The following PIEZO2 variants were observed in gnomAD, a reference collection of about 807,000 sequenced individuals.
PIEZO2 encodes piezo type mechanosensitive ion channel component 2.
A neutral mutation model predicts 337.3 loss-of-function variants in PIEZO2; 172 were observed. The ratio of observed to expected loss-of-function variants is 0.51; its 90% CI spans 0.45 to 0.58. PIEZO2 has a LOEUF of 0.58. Ranked by LOEUF, PIEZO2 falls within the 20% of genes least tolerant of loss-of-function variation. The pLI is 0.00. For synonymous variants in PIEZO2, 1,251 were observed against 1,228.5 expected (o/e 1.02, Z -0.38); for missense variants, 3,028 against 3,391.3 (o/e 0.89, Z 2.66).
chr18:10,896,812 T>G (rs952288744), intron 4 of PIEZO2, among the ~76,000 whole-genome samples: 1 of 152,220 alleles, frequency 6.6e-6, no homozygotes, highest in Non-Finnish European at 1.5e-5. Flanking sequence ...CCACCTCATG[T>G]CTGAGAAGAA....
chr18:10,715,009 A>AGCT, intron 38 of PIEZO2, 79 bp from the exon 39 acceptor site: 1 of 1,386,178 alleles, frequency 7.2e-7, no homozygotes, highest in Non-Finnish European at 9.7e-7. Context: ...CAACACAGAC[A>AGCT]GCTTTTCATA....
chr18:10,912,514 G>A (rs893011700), intron 3 of PIEZO2, among the ~76,000 whole-genome samples: 1 of 152,144 alleles, frequency 6.6e-6, no homozygotes, highest in Non-Finnish European at 1.5e-5. Flanking sequence ...TCTGTCAATA[G>A]GAAACGGTGG....
intron 2 of PIEZO2, among the ~76,000 whole-genome samples, chr18:11,062,005 A>G (rs1323234049): frequency 6.6e-6 from 1 of 152,184 alleles, no homozygotes; most frequent in Non-Finnish European, 1.5e-5. Context: ...CTGACTTCGA[A>G]CTATACTACA....
In PIEZO2 at chr18:11,110,996, C is replaced by T. The variant is rs570544549; in HGVS notation, c.64+37529G>A. Among the ~76,000 whole-genome samples the T allele has an allele frequency of 1.2e-3, 178 of 152,270 alleles. 1 individual carries two copies. Among genetic ancestry groups the T allele is most frequent in the Non-Finnish European group, 1.8e-3 (124 of 68,032 alleles). On this transcript the variant is annotated intron_variant, in intron 1 of 55. Coordinates refer to ENST00000674853, the MANE Select transcript of PIEZO2 (RefSeq NM_001378183.1). This position sits in a 1 kb window ranked among gnomAD's most constrained non-coding sequence, Gnocchi z 4.2. ...TGAGAGCCACTGCAGGGCTTCGGAACGGAGGAGAAGCTGAGATACTTCAGT... is the reference window on the plus strand; with the variant it reads ...TGAGAGCCACTGCAGGGCTTCGGAATGGAGGAGAAGCTGAGATACTTCAGT...
chr18:11,079,571 T>C (rs1042698977), intron 1 of PIEZO2, among the ~76,000 whole-genome samples: 1 of 152,198 alleles, frequency 6.6e-6, no homozygotes, highest in Admixed American at 6.5e-5. Flanking sequence ...AGGAGCTGTT[T>C]CCTGTTCATT....
At position 10,708,349 on chromosome 18, in the gene PIEZO2, A is replaced by AGCAC. The variant is rs1169771212; in HGVS notation, c.5510_5513dup (p.Arg1839CysfsTer4). The AGCAC allele has an allele frequency of 2.6e-5, 4 of 152,692 alleles. No homozygotes were observed. Among genetic ancestry groups the AGCAC allele is most frequent in the African/African-American group, 9.6e-5 (4 of 41,468 alleles). The allele number at this position is 152,692 out of a possible 1,614,324, so 9.5% of individuals were successfully genotyped here. A position where few individuals can be genotyped will look rare whatever the true frequency, so the allele number is the denominator to read the frequency against. ...TGAGCATTTTACGGAGCCTAGGCCG[A>AGCAC]GCACGCTCGCTTGTTTTAGGAATTT... On this transcript the variant is annotated frameshift_variant, in exon 40 of 56. Transcript: ENST00000674853. LOFTEE classifies it high-confidence loss of function.
chr18:10,804,813 C>T (rs2039944525), intron 8 of PIEZO2, among the ~76,000 whole-genome samples: 1 of 152,166 alleles, frequency 6.6e-6, no homozygotes, highest in Non-Finnish European at 1.5e-5. Flanking sequence ...TTAAATGCAC[C>T]AGGTCACCTG....
At chr18:11,034,563 G>A (rs2036858262) in intron 2 of PIEZO2, among the ~76,000 whole-genome samples, 1 of 152,190 alleles carries the variant, frequency 6.6e-6, no homozygotes. Flanking sequence ...AAAGTGCTGG[G>A]ATTACAGGCG....
In PIEZO2 at chr18:11,126,659, G is replaced by A. The variant is rs551336904; in HGVS notation, c.64+21866C>T. The stretch of plus-strand genomic sequence containing the variant: ...TTTTTTTTTTTGTATTCCCAGAATC[G>A]AGCCATCCTGATAGGCCAGTAAATG... On this transcript the variant is annotated intron_variant, in intron 1 of 55. Coordinates refer to ENST00000674853, the MANE Select transcript of PIEZO2 (RefSeq NM_001378183.1). The surrounding 1 kb of genome is among the most constrained non-coding windows in gnomAD (Gnocchi z 4.6). 3.3e-5 allele frequency among the ~76,000 whole-genome samples: 5 copies of A among 150,922 alleles called. No homozygotes were observed. In the South Asian group the frequency reaches 8.4e-4, roughly 25 times the overall value.
Position 10,748,774 on chromosome 18 carries a change from T to C in PIEZO2, c.4265-144A>G, listed in dbSNP as rs2037526318. The C allele has an allele frequency of 2.7e-6, 2 of 747,996 alleles. No individual in the cohort carries two copies. The highest frequency in any genetic ancestry group is 2.1e-5 in the South Asian group (1 of 48,342). The allele number at this position is 747,996 out of a possible 1,614,324, so 46.3% of individuals were successfully genotyped here. ...TCTGACTTACTTATGAGTTGATTTA[T>C]TTACAAGGAGATCACACACTTCCAA... On this transcript the variant is annotated intron_variant, in intron 29 of 55. Coordinates refer to ENST00000674853, the MANE Select transcript of PIEZO2 (RefSeq NM_001378183.1). This position sits in a 1 kb window ranked among gnomAD's most constrained non-coding sequence, Gnocchi z 5.1.
intron 31 of PIEZO2, 105 bp downstream of exon 31, chr18:10,744,035 CAT>C: frequency 1.4e-6 from 1 of 718,472 alleles, no homozygotes; most frequent in Non-Finnish European, 2.3e-6. Context: ...AAAGTCCATA[CAT>C]ATATATTTTT....
intron 7 of PIEZO2, among the ~76,000 whole-genome samples, chr18:10,825,848 G>C (rs1321709987): frequency 6.6e-6 from 1 of 152,036 alleles, no homozygotes; most frequent in East Asian, 1.9e-4. Context: ...ACCATGCCTG[G>C]CCTCCACTTT....
At chr18:10,732,011 G>T (rs539842169) in intron 35 of PIEZO2, among the ~76,000 whole-genome samples, 164 of 152,212 alleles carry the variant, frequency 1.1e-3, no homozygotes, top group African/African-American at 3.7e-3. Flanking sequence ...CTTGAGAAAG[G>T]GATTTGGAGA....
At chr18:10,717,128 G>A (rs1159048895) in intron 37 of PIEZO2, among the ~76,000 whole-genome samples, 5 of 152,178 alleles carry the variant, frequency 3.3e-5, no homozygotes, top group Non-Finnish European at 5.9e-5. Context: ...ACAACTAAGA[G>A]GTTAAGTCGG....
At position 10,945,543 on chromosome 18, in the gene PIEZO2, C is replaced by G. The variant is rs8095513; in HGVS notation, c.286+33992G>C. On this transcript the variant is annotated intron_variant, in intron 3 of 55. Coordinates refer to ENST00000674853, the MANE Select transcript of PIEZO2 (RefSeq NM_001378183.1). The surrounding 1 kb of genome is among the most constrained non-coding windows in gnomAD (Gnocchi z 4.0). ...CACCCCCAAGAGATCAAAACATTTC[C>G]AAATAACTTAACTGCATTTCAGAAC... Among the ~76,000 whole-genome samples, 21,179 of 151,988 alleles carry G rather than the reference C, an allele frequency of 0.14. 2,473 individuals are homozygous for G. Among genetic ancestry groups the G allele is most frequent in the African/African-American group, 0.31 (13,030 of 41,462 alleles).
At chr18:10,881,167 G>C (rs912984907) in intron 4 of PIEZO2, among the ~76,000 whole-genome samples, 1 of 151,744 alleles carries the variant, frequency 6.6e-6, no homozygotes, top group East Asian at 1.9e-4. Flanking sequence ...GTCATTAAAC[G>C]CAGATATCTA....
intron 1 of PIEZO2, among the ~76,000 whole-genome samples, chr18:11,089,509 A>G (rs2039007728): frequency 6.6e-6 from 1 of 152,122 alleles, no homozygotes; most frequent in Non-Finnish European, 1.5e-5. Flanking sequence ...AAGCTTGTAT[A>G]ACTGAGTTTC....
rs780925886 is a variant in PIEZO2 at position 10,704,405 on chromosome 18, C to A, written c.6247G>T (p.Val2083Phe). Residue 2083 changes from valine to phenylalanine, a missense_variant, in exon 42 of 56, where the codon GTC becomes TTC. This residue lies in a region of PIEZO2 where 1,925 missense variants were observed against 2,051.9 expected (regional missense o/e 0.94). Transcript: ENST00000674853. ...PSRRFWMMAIVYTEVAIVVKY... is the reference protein window; with the variant it reads ...PSRRFWMMAIFYTEVAIVVKY... ...GCGTCCAGGCCTACCTCAGTATAGA[C>A]GATGGCCATCATCCAGAACCGGCGG... The A allele has an allele frequency of 1.3e-6, 2 of 1,537,024 alleles. No homozygotes were observed. The highest frequency in any genetic ancestry group is 1.7e-6 in the Non-Finnish European group (2 of 1,146,896).
chr18:10,720,415 GTATGTATATATATATATA>G lies in PIEZO2; in HGVS notation c.5030-2174_5030-2157del, dbSNP rs1314045087. Reference sequence around the variant, plus strand: ...TGTGTGTGTGTGTGTATGTGTATGTGTATGTATATATATATATATATATATATATATATATATATATAT... The same window carrying G: ...TGTGTGTGTGTGTGTATGTGTATGTGTATATATATATATATATATATATAT... On this transcript the variant is annotated intron_variant, in intron 36 of 55. Transcript: ENST00000674853. Among the ~76,000 whole-genome samples the G allele has an allele frequency of 1.7e-3, 66 of 39,912 alleles. 2 individuals are homozygous for G. The highest frequency in any genetic ancestry group is 3.9e-3 in the Admixed American group (9 of 2,314). 26.2% of individuals were successfully genotyped at this position (39,912 alleles called of 152,430 possible).
Sources: allele counts gnomAD v4.1 joint callset (sites outside exome capture counted in the v4.1 genomes callset), GRCh38; gene constraint gnomAD v4.1.1; regional missense constraint gnomAD v4.1.1; non-coding constraint Gnocchi (gnomAD v3.1); transcripts MANE v1.5; gene names NCBI Gene and HGNC (gene_info 2026-07-23, HGNC 2026-07-21).